AFF2: variants seen among roughly 807,000 people sequenced by gnomAD.
AFF2 encodes the protein ALF transcription elongation factor 2, also known as AF4/FMR2 family member 2.
Under a neutral mutation model 76.9 loss-of-function variants are expected in AFF2, and 14 were observed. The ratio of observed to expected loss-of-function variants is 0.18; its 90% CI spans 0.12 to 0.28. The LOEUF is 0.28. Ranked by LOEUF, AFF2 falls within the 10% of genes least tolerant of loss-of-function variation. The probability of loss-of-function intolerance (pLI) is 1.00; values close to 1 mark genes in which losing one functional copy is unlikely to be tolerated. For synonymous variants in AFF2, 398 were observed against 366.7 expected (o/e 1.09, Z -0.98); for missense variants, 868 against 1,001.1 (o/e 0.87, Z 1.79).
At chrX:148,883,315 T>C (rs139309938) in intron 7 of AFF2, among the ~76,000 whole-genome samples, 7 of 112,027 alleles carry the variant, frequency 6.2e-5, no homozygotes, top group Middle Eastern at 4.6e-3. Flanking sequence ...CTGCTTCTGA[T>C]TACTTTTTAA....
Position 148,500,855 on chromosome X carries a change from G to A in AFF2, c.-243G>A. 3 of 310,868 alleles carry A rather than the reference G, an allele frequency of 9.7e-6. No individual in the cohort carries two copies. The highest frequency in any genetic ancestry group is 6.0e-5 in the East Asian group (1 of 16,657). The allele number at this position is 310,868 out of a possible 1,213,427, so 25.6% of individuals were successfully genotyped here. On this transcript the variant is annotated 5_prime_UTR_variant, in exon 1 of 21. Transcript: ENST00000370460. ...TGCGCGGGCTACCGCGGACCGAGCG[G>A]ACCCGAGTGGGCGACCAGGCGCTTG...
intron 7 of AFF2, among the ~76,000 whole-genome samples, chrX:148,866,208 G>C: frequency 8.9e-6 from 1 of 111,908 alleles, no homozygotes. Context: ...TTTCTAAGCT[G>C]TCAACTTAGT....
At chrX:148,973,877 G>C (rs1198095265) in intron 16 of AFF2, among the ~76,000 whole-genome samples, 1 of 111,832 alleles carries the variant, frequency 8.9e-6, no homozygotes, top group African/African-American at 3.3e-5. Flanking sequence ...GTAGTGGGTA[G>C]AAATAAGTAT....
chrX:148,694,300 A>G (rs1433018606), intron 3 of AFF2, among the ~76,000 whole-genome samples: 5 of 111,201 alleles, frequency 4.5e-5, no homozygotes, highest in Non-Finnish European at 9.4e-5. Flanking sequence ...CATGTACCCT[A>G]AAACTTAAAG....
intron 9 of AFF2, among the ~76,000 whole-genome samples, chrX:148,919,396 C>T (rs1285447218): frequency 3.6e-5 from 4 of 111,040 alleles, no homozygotes; most frequent in Non-Finnish European, 7.5e-5. Flanking sequence ...TTTCAATTTT[C>T]AATAACCAGT....
intron 1 of AFF2, among the ~76,000 whole-genome samples, chrX:148,528,743 G>A (rs191876265): frequency 1.8e-5 from 2 of 111,488 alleles, no homozygotes; most frequent in Non-Finnish European, 3.8e-5. Context: ...GAAACAATCC[G>A]TTCTCAACTC....
intron 1 of AFF2, among the ~76,000 whole-genome samples, chrX:148,645,109 G>T (rs1432025131): frequency 8.9e-6 from 1 of 111,942 alleles, no homozygotes; most frequent in Non-Finnish European, 1.9e-5. Context: ...GATATCTAAT[G>T]AAATTAACTT....
At chrX:148,593,219 G>T (rs2124375602) in intron 1 of AFF2, among the ~76,000 whole-genome samples, 1 of 112,202 alleles carries the variant, frequency 8.9e-6, no homozygotes, top group East Asian at 2.8e-4. Context: ...GTGAATGGGG[G>T]TAACAATTTT....
At chrX:148,547,104 T>G (rs1440760421) in intron 1 of AFF2, 1 of 111,624 alleles carries the variant, frequency 9.0e-6, no homozygotes, top group African/African-American at 3.3e-5. Context: ...ACAGAGAACA[T>G]GACGGGAATT....
chrX:148,639,266 C>T (rs2054063523), intron 1 of AFF2, among the ~76,000 whole-genome samples: 2 of 112,066 alleles, frequency 1.8e-5, no homozygotes, highest in South Asian at 3.7e-4. Flanking sequence ...TTAAAAATCC[C>T]GGTATGCCCC....
intron 1 of AFF2, among the ~76,000 whole-genome samples, chrX:148,514,866 T>A (rs1253169988): frequency 7.1e-5 from 8 of 112,594 alleles, no homozygotes; most frequent in Non-Finnish European, 1.5e-4. Flanking sequence ...GTCATCCTTT[T>A]AATTGTATTA....
chrX:148,917,681 G>A (rs1224241587), intron 9 of AFF2, among the ~76,000 whole-genome samples: 2 of 112,406 alleles, frequency 1.8e-5, no homozygotes, highest in Non-Finnish European at 3.8e-5. Context: ...TAAGGGAGCG[G>A]CCCTTAAGCA....
At chrX:148,916,048 A>C (rs888627343) in intron 9 of AFF2, among the ~76,000 whole-genome samples, 11 of 111,512 alleles carry the variant, frequency 9.9e-5, no homozygotes, top group Non-Finnish European at 1.9e-4. Context: ...ACAATGACAC[A>C]GCAGAGCACA....
At chrX:148,528,073 A>G (rs1442087928) in intron 1 of AFF2, among the ~76,000 whole-genome samples, 4 of 112,461 alleles carry the variant, frequency 3.6e-5, no homozygotes, top group African/African-American at 6.5e-5. Flanking sequence ...GCAGATTTCA[A>G]CTGTTTTCAT....
chrX:148,533,626 C>T (rs1200795063), intron 1 of AFF2, among the ~76,000 whole-genome samples: 1 of 111,302 alleles, frequency 9.0e-6, no homozygotes, highest in African/African-American at 3.3e-5. Flanking sequence ...CTCTAATCGG[C>T]GGTGGATTTG....
At position 148,956,138 on chromosome X, in the gene AFF2, G is replaced by A. The variant is rs782186963; in HGVS notation, c.2093G>A (p.Arg698Lys). Residue 698 changes from arginine (R) to lysine (K), a missense_variant, in exon 11 of 21, where the codon AGA (arginine) becomes AAA (lysine). Around this residue, in one of 6 missense-constraint regions of AFF2, gnomAD observed 532 missense variants for 564.2 expected, o/e 0.94. Coordinates refer to ENST00000370460, the MANE Select transcript of AFF2 (RefSeq NM_002025.4). ...IPLAPEKKKY[R>K]GPGKIVPKSR... ...TTGGCTCCCGAGAAGAAGAAGTACAGAGGGCCTGGCAAGATTGTGCCAAAG... is the reference window on the plus strand; with the variant it reads ...TTGGCTCCCGAGAAGAAGAAGTACAAAGGGCCTGGCAAGATTGTGCCAAAG... The A allele has an allele frequency of 8.3e-7, 1 of 1,210,750 alleles. No individual in the cohort carries two copies. The highest frequency in any genetic ancestry group is 1.1e-6 in the Non-Finnish European group (1 of 895,279).
At chrX:148,774,315 C>G (rs901522241) in intron 3 of AFF2, among the ~76,000 whole-genome samples, 2 of 111,812 alleles carry the variant, frequency 1.8e-5, no homozygotes, top group African/African-American at 6.5e-5. Flanking sequence ...AAGTTGAGTA[C>G]TTAATTTAGC....
intron 1 of AFF2, among the ~76,000 whole-genome samples, chrX:148,609,871 G>C (rs1421236459): frequency 3.6e-5 from 4 of 111,526 alleles, no homozygotes; most frequent in Non-Finnish European, 5.7e-5. Context: ...TGGCAAGGCA[G>C]TTGAAAGGGG....
chrX:148,918,850 C>T (rs891147167), intron 9 of AFF2, among the ~76,000 whole-genome samples: 1 of 111,573 alleles, frequency 9.0e-6, no homozygotes, highest in Non-Finnish European at 1.9e-5. Flanking sequence ...GAGAGGGAAA[C>T]AGCATATATC....
Sources: gnomAD v4.1 joint callset for allele counts (sites outside exome capture counted in the v4.1 genomes callset) on GRCh38, gnomAD v4.1.1 for gene constraint, gnomAD v4.1.1 regional missense constraint, MANE v1.5 for transcripts, NCBI Gene and HGNC (gene_info 2026-07-23, HGNC 2026-07-21) for gene names.